The following BCAP29 variants were observed in gnomAD, a reference collection of about 807,000 sequenced individuals.
BCAP29 encodes the protein B cell receptor associated protein 29, also known as B-cell receptor-associated protein 29.
A neutral mutation model predicts 31.8 loss-of-function variants in BCAP29; 34 were observed. That is an observed-to-expected ratio of 1.07 (90% CI 0.81 to 1.42). The LOEUF is 1.42. Among genes scored for constraint, BCAP29 ranks in the 40% most tolerant of loss-of-function variants. The pLI, the probability that BCAP29 is intolerant of heterozygous loss-of-function variation, is 0.00. For missense variants in BCAP29, 314 were observed against 269.2 expected, an observed-to-expected ratio of 1.17 and a Z score of -1.16; for synonymous variants, 104 against 91.3, an observed-to-expected ratio of 1.14 and a Z score of -0.79.
chr7:107,608,198 A>T (rs1010993563), intron 6 of BCAP29, among the ~76,000 whole-genome samples: 4 of 149,528 alleles, frequency 2.7e-5, no homozygotes, highest in Non-Finnish European at 1.5e-5. Flanking sequence ...AAATGAGTGG[A>T]TTAAAAAAAA....
At chr7:107,585,799 T>C (rs1475957239) in intron 3 of BCAP29, among the ~76,000 whole-genome samples, 1 of 152,262 alleles carries the variant, frequency 6.6e-6, no homozygotes, top group Middle Eastern at 3.4e-3. Flanking sequence ...CAGACCAGCT[T>C]GGCCAACGTG....
At chr7:107,605,254 C>T (rs139618318) in intron 6 of BCAP29, among the ~76,000 whole-genome samples, 309 of 152,274 alleles carry the variant, frequency 2.0e-3, no homozygotes, top group Non-Finnish European at 3.2e-3. Context: ...ATATATTATT[C>T]ACAGTACTAG....
chr7:107,589,311 AT>A (rs1455412710), intron 3 of BCAP29, among the ~76,000 whole-genome samples: 1 of 152,198 alleles, frequency 6.6e-6, no homozygotes, highest in Non-Finnish European at 1.5e-5. Context: ...ATATAATGAA[AT>A]AATTATGCAA....
At position 107,607,635 on chromosome 7, in the gene BCAP29, C is replaced by CTT. The variant is rs57817003; in HGVS notation, c.590-5681_590-5680dup. The stretch of plus-strand genomic sequence containing the variant: ...TGAATTCCATGTTTTCTTTCTTTTT[C>CTT]TTTTTTTTTTTTTTTTTCCGAGACA... On this transcript the variant is annotated intron_variant, in intron 6 of 7. Coordinates refer to ENST00000005259, the MANE Select transcript of BCAP29 (RefSeq NM_018844.4). Among the ~76,000 whole-genome samples, 4 of 132,608 alleles carry CTT rather than the reference C, an allele frequency of 3.0e-5. 1 individual carries two copies. Among genetic ancestry groups the CTT allele is most frequent in the African/African-American group, 1.1e-4 (4 of 36,078 alleles). The allele number at this position is 132,608 out of a possible 152,430, so 87.0% of individuals were successfully genotyped here.
chr7:107,616,466 C>T (rs948668156), intron 7 of BCAP29: 5 of 152,198 alleles, frequency 3.3e-5, no homozygotes, highest in Non-Finnish European at 7.3e-5. Flanking sequence ...AATCTCAGCT[C>T]CATAGTTTAC....
intron 7 of BCAP29, chr7:107,613,736 A>G: frequency 6.2e-7 from 1 of 1,612,950 alleles, no homozygotes. Context: ...AGAAAAGGTG[A>G]GTTTTGCTCT....
At chr7:107,622,950 T>C (rs908370295), downstream of BCAP29, 1 of 152,226 alleles carries the variant, frequency 6.6e-6, no homozygotes, top group Admixed American at 6.5e-5. Context: ...TATTTTTTTT[T>C]ATAAACAGCT....
At chr7:107,617,728 G>A (rs944127502) in intron 7 of BCAP29, among the ~76,000 whole-genome samples, 7 of 152,170 alleles carry the variant, frequency 4.6e-5, no homozygotes, top group African/African-American at 1.7e-4. Flanking sequence ...AAGCATTAAT[G>A]TTCAGCCTGA....
chr7:107,607,361 G>A (rs1812291636), intron 6 of BCAP29, among the ~76,000 whole-genome samples: 1 of 152,088 alleles, frequency 6.6e-6, no homozygotes, highest in South Asian at 2.1e-4. Flanking sequence ...TCTAAATGCA[G>A]TGTTTAGGTA....
chr7:107,599,011 T>TTATATA (rs368244284), intron 5 of BCAP29, among the ~76,000 whole-genome samples: 13,024 of 128,816 alleles, frequency 0.1, 1,017 homozygotes, highest in Admixed American at 0.19. Context: ...ATCTACAAAT[T>TTATATA]TATATATATA....
chr7:107,585,158 AGTT>A (rs1403910369), intron 3 of BCAP29, among the ~76,000 whole-genome samples: 4 of 151,768 alleles, frequency 2.6e-5, no homozygotes, highest in Non-Finnish European at 5.9e-5. Flanking sequence ...ATTCCCTCAG[AGTT>A]GTTGTGTTGT....
chr7:107,617,021 G>A (rs142707150), intron 7 of BCAP29, among the ~76,000 whole-genome samples: 232 of 152,244 alleles, frequency 1.5e-3, no homozygotes, highest in African/African-American at 2.3e-3. Context: ...TTATAGGCTC[G>A]AGCCACCGTG....
chr7:107,618,093 G>C (rs1327939231), intron 7 of BCAP29, among the ~76,000 whole-genome samples: 2 of 152,056 alleles, frequency 1.3e-5, no homozygotes, highest in Non-Finnish European at 2.9e-5. Flanking sequence ...TGAAACAAAA[G>C]CAAAATAGAT....
chr7:107,590,436 A>G (rs1808508799), intron 3 of BCAP29, among the ~76,000 whole-genome samples: 1 of 152,200 alleles, frequency 6.6e-6, no homozygotes, highest in South Asian at 2.1e-4. Flanking sequence ...TAGCCAGGGT[A>G]ATAATAAGTC....
chr7:107,583,758 AAAATT>A (rs1807125016), intron 2 of BCAP29, 119 bp from the exon 3 acceptor site: 1 of 477,680 alleles, frequency 2.1e-6, no homozygotes. Context: ...AATAAATTTT[AAAATT>A]AAATTTCTGT....
At chr7:107,600,845 G>C (rs1811046180) in intron 6 of BCAP29, among the ~76,000 whole-genome samples, 1 of 152,206 alleles carries the variant, frequency 6.6e-6, no homozygotes, top group Non-Finnish European at 1.5e-5. Flanking sequence ...CCTCCTCTCA[G>C]AGAAGCAATT....
chr7:107,595,596 T>C (rs1318179947), intron 4 of BCAP29, among the ~76,000 whole-genome samples: 1 of 152,156 alleles, frequency 6.6e-6, no homozygotes, highest in Non-Finnish European at 1.5e-5. Context: ...CTGTTTCTAT[T>C]CCTCCAAGCT....
chr7:107,607,308 T>G (rs1431316810), intron 6 of BCAP29, among the ~76,000 whole-genome samples: 4 of 152,122 alleles, frequency 2.6e-5, no homozygotes, highest in African/African-American at 9.7e-5. Flanking sequence ...CAGAGTAAGA[T>G]CCTGTCTCAA....
intron 3 of BCAP29, chr7:107,587,438 T>G (rs761258099): frequency 2.6e-5 from 4 of 152,220 alleles, no homozygotes; most frequent in Non-Finnish European, 4.4e-5. Flanking sequence ...TTCAGGAGTA[T>G]TATTCCCATT....
Sources: gnomAD v4.1 joint callset for allele counts (sites outside exome capture counted in the v4.1 genomes callset) on GRCh38, gnomAD v4.1.1 for gene constraint, MANE v1.5 for transcripts, NCBI Gene and HGNC (gene_info 2026-07-23, HGNC 2026-07-21) for gene names.